RELN: variants seen among roughly 807,000 people sequenced by gnomAD.
The protein encoded by RELN is reelin.
A neutral mutation model predicts 427.6 loss-of-function variants in RELN; 108 were observed. The ratio of observed to expected loss-of-function variants is 0.25; its 90% CI spans 0.22 to 0.30. The LOEUF is 0.30. Ranked by LOEUF, RELN falls within the 10% of genes least tolerant of loss-of-function variation. The probability of loss-of-function intolerance (pLI) is 1.00; values close to 1 mark genes in which losing one functional copy is unlikely to be tolerated. For missense variants in RELN, 3,715 were observed against 4,302.8 expected (o/e 0.86, Z 3.82); for synonymous variants, 1,524 against 1,513.4 (o/e 1.01, Z -0.16).
intron 1 of RELN, among the ~76,000 whole-genome samples, chr7:103,952,554 TTCTCTCTCTC>T (rs145303514): frequency 6.7e-6 from 1 of 149,860 alleles, no homozygotes; most frequent in Admixed American, 6.7e-5. Context: ...CTCTCACTCT[TTCTCTCTCTC>T]TCTCTCTCTG....
chr7:103,731,467 T>C (rs747577192), intron 6 of RELN, among the ~76,000 whole-genome samples: 1 of 151,986 alleles, frequency 6.6e-6, no homozygotes, highest in Non-Finnish European at 1.5e-5. Context: ...CCCCAATTAA[T>C]TGATACCAAA....
intron 2 of RELN, among the ~76,000 whole-genome samples, chr7:103,882,848 T>C (rs1055739296): frequency 2.0e-5 from 3 of 152,220 alleles, no homozygotes; most frequent in African/African-American, 7.2e-5. Flanking sequence ...AGCCGAATTC[T>C]ACCAGAGGTA....
rs533281501 is a variant in RELN, at chr7:103,918,172, A to C, written c.227-987T>G. 1.9e-3 allele frequency among the ~76,000 whole-genome samples: 288 copies of C among 152,288 alleles called. 1 individual carries two copies. Among genetic ancestry groups the C allele is most frequent in the African/African-American group, 6.7e-3 (277 of 41,578 alleles). The stretch of plus-strand genomic sequence containing the variant: ...CATCCATATTACAAAGCATAAAACA[A>C]GACACATATCAATAGAATAGCCTGA... On this transcript the variant is annotated intron_variant, in intron 1 of 64. Transcript: ENST00000428762.
intron 1 of RELN, among the ~76,000 whole-genome samples, chr7:103,930,912 C>G (rs1484686971): frequency 8.3e-5 from 9 of 109,024 alleles, no homozygotes; most frequent in African/African-American, 1.7e-4. Context: ...GTGTGTGTGT[C>G]TCCTTCTGTT....
At chr7:103,800,697 A>C (rs2116309330) in intron 3 of RELN, among the ~76,000 whole-genome samples, 2 of 152,334 alleles carry the variant, frequency 1.3e-5, no homozygotes, top group South Asian at 4.1e-4. Flanking sequence ...AAAACACCAA[A>C]AGCAATGGCA....
At chr7:103,973,754 A>ATT (rs1265580565) in intron 1 of RELN, among the ~76,000 whole-genome samples, 5 of 152,228 alleles carry the variant, frequency 3.3e-5, no homozygotes, top group African/African-American at 1.2e-4. Flanking sequence ...TAATGTTAAG[A>ATT]TTAAAAAGAT....
intron 1 of RELN, among the ~76,000 whole-genome samples, chr7:103,954,191 C>T (rs1235246345): frequency 3.3e-5 from 5 of 152,026 alleles, no homozygotes; most frequent in East Asian, 1.9e-4. Flanking sequence ...GCCTGGGAGG[C>T]GGAGGTTGCA....
intron 17 of RELN, among the ~76,000 whole-genome samples, chr7:103,638,155 C>A (rs372758473): frequency 6.6e-6 from 1 of 152,126 alleles, no homozygotes; most frequent in African/African-American, 2.4e-5. Flanking sequence ...GGGTATGACA[C>A]GAGGCTCTCC....
chr7:103,559,696 C>T (rs1264735896), intron 36 of RELN, among the ~76,000 whole-genome samples: 1 of 152,118 alleles, frequency 6.6e-6, no homozygotes, highest in South Asian at 2.1e-4. Context: ...CACCTCAGCC[C>T]CCACTGTAGC....
At chr7:103,625,836 A>G (rs2117324039) in intron 20 of RELN, among the ~76,000 whole-genome samples, 1 of 152,184 alleles carries the variant, frequency 6.6e-6, no homozygotes, top group African/African-American at 2.4e-5. Flanking sequence ...GTAATTCGAA[A>G]AAGAAATCAT....
chr7:103,486,891 C>A (rs976830777), intron 60 of RELN, among the ~76,000 whole-genome samples: 1 of 152,190 alleles, frequency 6.6e-6, no homozygotes, highest in Non-Finnish European at 1.5e-5. Context: ...TTTGACCTGG[C>A]AATCCCATTA....
At chr7:103,983,040 C>A (rs573482714) in intron 1 of RELN, among the ~76,000 whole-genome samples, 26 of 152,292 alleles carry the variant, frequency 1.7e-4, no homozygotes, top group African/African-American at 5.8e-4. Context: ...GGATAACCTG[C>A]ATTTTAAACA....
rs149714558 is a variant in RELN at position 103,835,167 on chromosome 7, G to A, written c.338-1495C>T. On this transcript the variant is annotated intron_variant, in intron 2 of 64. Transcript: ENST00000428762. ...AAGACATAAAGGAAACTTAATATGC[G>A]TATTACCAAGTGAAAGAATCTAATC... is the stretch of plus-strand genomic sequence containing the variant. Among the ~76,000 whole-genome samples, 43 of 152,248 alleles carry A rather than the reference G, an allele frequency of 2.8e-4. No individual in the cohort carries two copies. The East Asian group carries it at 5.0e-3, about 18-fold the overall frequency.
chr7:103,782,736 T>A (rs1372174885), intron 3 of RELN, among the ~76,000 whole-genome samples: 1 of 152,226 alleles, frequency 6.6e-6, no homozygotes, highest in Non-Finnish European at 1.5e-5. Context: ...TTTAATATAC[T>A]TGCTATAATG....
In RELN at chr7:103,553,703, C is replaced by T. The variant is rs946078271; in HGVS notation, c.5926G>A (p.Gly1976Ser). ...REDNWFFYPG[G>S]NIGLYCPYSS... ...TATGGACAATAAAGACCGATGTTAC[C>T]ACCAGGATAGAAAAACCAATTGTCT... is the stretch of plus-strand genomic sequence containing the variant. The change falls in exon 39 of 65, where the codon GGT becomes AGT. Residue 1976 changes from glycine (G) to serine (S), a missense_variant. Gly to Ser is a moderately conservative substitution (Grantham distance 56). Around this residue, in one of 4 missense-constraint regions of RELN, gnomAD observed 1,310 missense variants for 1,643.0 expected, o/e 0.80. Transcript: ENST00000428762. 1.9e-6 allele frequency: 3 copies of T among 1,613,940 alleles called. No individual in the cohort carries two copies. In the African/African-American group the frequency reaches 4.0e-5, roughly 22 times the overall value.
Position 103,551,243 on chromosome 7 carries a change from T to C in RELN, c.6126A>G (p.Glu2042=). The C allele has an allele frequency of 6.2e-7, 1 of 1,613,884 alleles. No individual in the cohort carries two copies. The highest frequency in any genetic ancestry group is 8.5e-7 in the Non-Finnish European group (1 of 1,179,966). Reference sequence around the variant, plus strand: ...AGGTCGCCCCGAAGTCCCTTGAAAATTCCAGTCTCACTGGATCCGCGGATG... The same window carrying C: ...AGGTCGCCCCGAAGTCCCTTGAAAACTCCAGTCTCACTGGATCCGCGGATG... ...DSSSADPVRL[E]FSRDFGATWH... Residue 2042 remains glutamate (E), a synonymous_variant, in exon 41 of 65, where the codon GAA becomes GAG. Transcript: ENST00000428762.
chr7:103,893,756 G>T (rs28481950), intron 2 of RELN, among the ~76,000 whole-genome samples: 60,207 of 151,868 alleles, frequency 0.4, 12,897 homozygotes, highest in East Asian at 0.76. Flanking sequence ...AAAAATTCAA[G>T]AAACAATACT....
At chr7:103,499,959 T>C (rs1828970174) in intron 53 of RELN, among the ~76,000 whole-genome samples, 1 of 152,242 alleles carries the variant, frequency 6.6e-6, no homozygotes, top group South Asian at 2.1e-4. Context: ...CAAATGAGCA[T>C]TGTTCCAATT....
chr7:103,973,612 A>G (rs1186979819), intron 1 of RELN, among the ~76,000 whole-genome samples: 1 of 152,142 alleles, frequency 6.6e-6, no homozygotes, highest in Non-Finnish European at 1.5e-5. Context: ...AACGTTTATA[A>G]CACTGAAAAC....
Sources: gnomAD v4.1 joint callset for allele counts (sites outside exome capture counted in the v4.1 genomes callset) on GRCh38, gnomAD v4.1.1 for gene constraint, gnomAD v4.1.1 regional missense constraint, MANE v1.5 for transcripts, NCBI Gene and HGNC (gene_info 2026-07-23, HGNC 2026-07-21) for gene names.